The following PKNOX2 variants were observed in gnomAD, a reference collection of about 807,000 sequenced individuals.
PKNOX2 encodes homeobox protein PKNOX2.
A neutral mutation model predicts 53.1 loss-of-function variants in PKNOX2; 14 were observed. The observed-to-expected ratio is 0.26, with a 90% CI of 0.17 to 0.41. The LOEUF is 0.41. Among genes scored for constraint, PKNOX2 ranks in the 10% least tolerant of loss-of-function variants. The pLI, the probability that PKNOX2 is intolerant of heterozygous loss-of-function variation, is 1.00. For missense variants in PKNOX2, 496 were observed against 602.8 expected (o/e 0.82, Z 1.85); for synonymous variants, 257 against 242.8 (o/e 1.06, Z -0.54).
At chr11:125,277,914 C>A (rs1946283840) in intron 2 of PKNOX2, among the ~76,000 whole-genome samples, 1 of 152,058 alleles carries the variant, frequency 6.6e-6, no homozygotes. Context: ...TGTATCAGTG[C>A]AATTTTTTTT....
At chr11:125,312,057 G>C (rs117798037) in intron 2 of PKNOX2, among the ~76,000 whole-genome samples, 1,634 of 152,232 alleles carry the variant, frequency 0.011, 13 homozygotes, top group African/African-American at 0.028. Context: ...ACTTTAGATT[G>C]GGCAAGTCCT....
At chr11:125,242,429 T>C (rs1466589673) in intron 2 of PKNOX2, among the ~76,000 whole-genome samples, 1 of 152,160 alleles carries the variant, frequency 6.6e-6, no homozygotes, top group Middle Eastern at 3.2e-3. Context: ...CTCCCCACGA[T>C]GCCAGGGTTC....
chr11:125,192,703 A>G (rs1341849633), intron 1 of PKNOX2, among the ~76,000 whole-genome samples: 1 of 152,094 alleles, frequency 6.6e-6, no homozygotes, highest in Non-Finnish European at 1.5e-5. Flanking sequence ...TGGATGGGGA[A>G]CCCAGGCCAG....
At chr11:125,411,971 C>G in intron 10 of PKNOX2, 106 bp downstream of exon 10, 1 of 1,538,722 alleles carries the variant, frequency 6.5e-7, no homozygotes, top group Middle Eastern at 2.0e-4. Context: ...AGACAGAGGG[C>G]GCGGCCTCGG....
intron 3 of PKNOX2, among the ~76,000 whole-genome samples, chr11:125,347,380 C>A (rs1951034824): frequency 6.6e-6 from 1 of 152,246 alleles, no homozygotes; most frequent in African/African-American, 2.4e-5. Context: ...GCAGCATTAA[C>A]CCCTTTGTGC....
rs1219146025 is a variant in PKNOX2, at chr11:125,165,050, G to A, written c.-201+274G>A. Among the ~76,000 whole-genome samples, 22 of 151,126 alleles carry A rather than the reference G, an allele frequency of 1.5e-4. No homozygotes were observed. The highest frequency in any genetic ancestry group is 1.4e-3 in the Admixed American group (21 of 15,206). On this transcript the variant is annotated intron_variant, in intron 1 of 12. Coordinates refer to ENST00000298282, the MANE Select transcript of PKNOX2 (RefSeq NM_001382323.2). The surrounding 1 kb of genome is among the most constrained non-coding windows in gnomAD (Gnocchi z 4.5). ...GAGAAGCTGGGGAAGCGCCGGGAGA[G>A]CGCGGAGCGGAGCAGCGCGAGGGGC...
intron 7 of PKNOX2, among the ~76,000 whole-genome samples, chr11:125,407,311 C>T (rs1433721943): frequency 3.9e-5 from 6 of 152,186 alleles, no homozygotes; most frequent in African/African-American, 1.4e-4. Context: ...AGTAAGCAGA[C>T]GAAGCATCCA....
chr11:125,167,558 A>G (rs1019936022), intron 1 of PKNOX2, among the ~76,000 whole-genome samples: 8 of 152,328 alleles, frequency 5.3e-5, no homozygotes, highest in African/African-American at 1.9e-4. Context: ...GCTCAGAATA[A>G]GGGGCAGGGG....
At chr11:125,387,644 G>A (rs556959368) in intron 6 of PKNOX2, among the ~76,000 whole-genome samples, 305 of 152,336 alleles carry the variant, frequency 2.0e-3, no homozygotes, top group Non-Finnish European at 2.9e-3. Context: ...CCAGGGATGT[G>A]GTTGCTGTGG....
chr11:125,380,552 A>G (rs1033565531), intron 5 of PKNOX2, among the ~76,000 whole-genome samples: 3 of 152,148 alleles, frequency 2.0e-5, no homozygotes, highest in African/African-American at 7.2e-5. Context: ...ATCATCATCG[A>G]CACTCGGCAC....
At chr11:125,199,550 A>G (rs768107613) in intron 1 of PKNOX2, among the ~76,000 whole-genome samples, 5 of 152,124 alleles carry the variant, frequency 3.3e-5, no homozygotes, top group African/African-American at 1.2e-4. Flanking sequence ...GTTGCTTAAG[A>G]TTTCCTGGGT....
intron 7 of PKNOX2, among the ~76,000 whole-genome samples, chr11:125,406,539 G>C (rs897848686): frequency 2.6e-5 from 4 of 152,212 alleles, no homozygotes; most frequent in Admixed American, 2.6e-4. Flanking sequence ...GCCAAGGGAA[G>C]TGGGAAATAA....
At chr11:125,317,952 T>C (rs577505280) in intron 2 of PKNOX2, among the ~76,000 whole-genome samples, 57 of 152,368 alleles carry the variant, frequency 3.7e-4, no homozygotes, top group Non-Finnish European at 6.5e-4. Flanking sequence ...TTGTTTACTG[T>C]AGCCTTCATC....
At position 125,197,874 on chromosome 11, in the gene PKNOX2, C is replaced by T. The variant is rs372540830; in HGVS notation, c.-201+33098C>T. On this transcript the variant is annotated intron_variant, in intron 1 of 12. Transcript: ENST00000298282. ...TCTGCCCTTCACACAGACGTGCTGC[C>T]GTCACCTCTTTGGGCCACAACTGCA... Among the ~76,000 whole-genome samples, 76 of 152,244 alleles carry T rather than the reference C, an allele frequency of 5.0e-4. 1 individual carries two copies. The East Asian group carries it at 9.7e-3, about 19-fold the overall frequency.
intron 2 of PKNOX2, among the ~76,000 whole-genome samples, chr11:125,285,839 C>T (rs1257784396): frequency 6.6e-6 from 1 of 152,208 alleles, no homozygotes; most frequent in Non-Finnish European, 1.5e-5. Flanking sequence ...GCTTCCTAAG[C>T]ACTTCACTAC....
Position 125,300,146 on chromosome 11 carries a change from A to G in PKNOX2, c.-129-31673A>G, listed in dbSNP as rs192154982. ...CCAAGGAGCTGAAATGAGGGCTCCC[A>G]TCCTGATTTTGGAGTGGCTTCTTTG... On this transcript the variant is annotated intron_variant, in intron 2 of 12. Transcript: ENST00000298282. Among the ~76,000 whole-genome samples the G allele has an allele frequency of 1.2e-3, 184 of 152,332 alleles. 2 individuals are homozygous for G. Among genetic ancestry groups the G allele is most frequent in the African/African-American group, 4.2e-3 (174 of 41,582 alleles).
chr11:125,265,104 C>T (rs545598189), intron 2 of PKNOX2, among the ~76,000 whole-genome samples: 7 of 152,036 alleles, frequency 4.6e-5, no homozygotes, highest in African/African-American at 1.2e-4. Flanking sequence ...CTGGCTAACA[C>T]GGTGAAACCC....
chr11:125,302,751 G>T (rs1948161703), intron 2 of PKNOX2, among the ~76,000 whole-genome samples: 1 of 152,206 alleles, frequency 6.6e-6, no homozygotes, highest in Non-Finnish European at 1.5e-5. Context: ...TGCCTCTTCT[G>T]GCTGGACACC....
At chr11:125,278,561 C>T (rs1766549854) in intron 2 of PKNOX2, among the ~76,000 whole-genome samples, 1 of 152,154 alleles carries the variant, frequency 6.6e-6, no homozygotes, top group Non-Finnish European at 1.5e-5. Flanking sequence ...CAGCCTGGGA[C>T]TGAGGGCCTC....
Sources: gnomAD v4.1 joint callset for allele counts (sites outside exome capture counted in the v4.1 genomes callset) on GRCh38, gnomAD v4.1.1 for gene constraint, Gnocchi (gnomAD v3.1) non-coding constraint, MANE v1.5 for transcripts, NCBI Gene and HGNC (gene_info 2026-07-23, HGNC 2026-07-21) for gene names.